FRMD6: variants seen among roughly 807,000 people sequenced by gnomAD.
The protein encoded by FRMD6 is FERM domain containing 6.
Under a neutral mutation model 73.2 loss-of-function variants are expected in FRMD6, and 37 were observed. The observed-to-expected ratio is 0.51, with a 90% CI of 0.39 to 0.66. FRMD6 has a LOEUF of 0.66. FRMD6 is among the 30% of genes least tolerant of loss of function. The probability of loss-of-function intolerance (pLI) is 0.00; values close to 1 mark genes in which losing one functional copy is unlikely to be tolerated. For synonymous variants in FRMD6, 273 were observed against 282.2 expected (o/e 0.97, Z 0.33); for missense variants, 714 against 780.5 (o/e 0.91, Z 1.02).
At chr14:51,593,905 C>T (rs1206985252) in intron 2 of FRMD6, among the ~76,000 whole-genome samples, 1 of 152,008 alleles carries the variant, frequency 6.6e-6, no homozygotes, top group Non-Finnish European at 1.5e-5. Context: ...CCCAACTCTA[C>T]AAAATTTTCA....
chr14:51,714,516 A>G (rs895582471), intron 9 of FRMD6: 1 of 152,204 alleles, frequency 6.6e-6, no homozygotes, highest in African/African-American at 2.4e-5. Context: ...AAAAGAGTTC[A>G]TAATATCCCA....
chr14:51,694,286 A>G (rs1895799475), intron 2 of FRMD6, among the ~76,000 whole-genome samples: 1 of 152,238 alleles, frequency 6.6e-6, no homozygotes, highest in Admixed American at 6.5e-5. Flanking sequence ...CCACGAGCTT[A>G]TATGTCTTCA....
At chr14:51,551,764 A>C (rs1290802456) in intron 1 of FRMD6, among the ~76,000 whole-genome samples, 3 of 151,912 alleles carry the variant, frequency 2.0e-5, no homozygotes, top group Non-Finnish European at 4.4e-5. Context: ...AAATGAATAT[A>C]TAATATATGT....
chr14:51,576,543 G>A (rs1888414385), intron 2 of FRMD6, among the ~76,000 whole-genome samples: 1 of 151,976 alleles, frequency 6.6e-6, no homozygotes, highest in Non-Finnish European at 1.5e-5. Flanking sequence ...TTCAATATGC[G>A]ACCTCCTTCT....
At chr14:51,412,863 T>A in the FRMD6 span, among the ~76,000 whole-genome samples, 1 of 151,022 alleles carries the variant, frequency 6.6e-6, no homozygotes, top group Admixed American at 6.6e-5. Context: ...AAAAATAAAA[T>A]AAAATAAAAT....
intron 1 of FRMD6, among the ~76,000 whole-genome samples, chr14:51,556,258 CTT>C (rs895534699): frequency 2.6e-5 from 4 of 152,204 alleles, no homozygotes; most frequent in Non-Finnish European, 5.9e-5. Flanking sequence ...AAATCAGACA[CTT>C]TTGTTCTCTC....
At chr14:51,542,595 G>A (rs907615332) in intron 1 of FRMD6, among the ~76,000 whole-genome samples, 6 of 151,946 alleles carry the variant, frequency 3.9e-5, no homozygotes, top group African/African-American at 9.7e-5. Context: ...GAACATTTGT[G>A]TACAAGTTTC....
At chr14:51,463,899 C>T in the FRMD6 span, among the ~76,000 whole-genome samples, 860 of 152,330 alleles carry the variant, frequency 5.6e-3, 7 homozygotes, top group African/African-American at 0.019. Flanking sequence ...CTCCCTGCAG[C>T]CTTAGCCTCC....
chr14:51,542,938 G>A (rs966680814), intron 1 of FRMD6, among the ~76,000 whole-genome samples: 6 of 151,822 alleles, frequency 4.0e-5, no homozygotes, highest in Admixed American at 2.0e-4. Context: ...TTCTATCCAG[G>A]CCCTGTGCAC....
chr14:51,423,657 C>T, the FRMD6 span, among the ~76,000 whole-genome samples: 38 of 152,282 alleles, frequency 2.5e-4, no homozygotes, highest in South Asian at 4.1e-4. Flanking sequence ...CAGGACTCTC[C>T]GGAAGGTTCT....
At chr14:51,683,263 A>G (rs1894927174) in intron 1 of FRMD6, among the ~76,000 whole-genome samples, 1 of 151,916 alleles carries the variant, frequency 6.6e-6, no homozygotes, top group Admixed American at 6.6e-5. Flanking sequence ...GCAACTCATG[A>G]CTAGTTTTTA....
At chr14:51,659,048 C>T (rs1267388921) in intron 1 of FRMD6, among the ~76,000 whole-genome samples, 2 of 152,080 alleles carry the variant, frequency 1.3e-5, no homozygotes, top group Non-Finnish European at 2.9e-5. Context: ...TACAGAATAG[C>T]GTAATCCGTA....
Position 51,666,272 on chromosome 14 carries a change from A to T in FRMD6, c.-147+14276A>T, listed in dbSNP as rs1042682099. Among the ~76,000 whole-genome samples the T allele has an allele frequency of 4.6e-5, 7 of 152,334 alleles. No homozygotes were observed. The East Asian group carries it at 1.2e-3, about 25-fold the overall frequency. ...TCACATAGATGGATGATGCTTCCAGATGAATGCGTCATTACTATGTGCCGT... is the reference window on the plus strand; with the variant it reads ...TCACATAGATGGATGATGCTTCCAGTTGAATGCGTCATTACTATGTGCCGT... On this transcript the variant is annotated intron_variant, in intron 1 of 13. Transcript: ENST00000344768.
chr14:51,529,891 T>G (rs1320765845), intron 1 of FRMD6, among the ~76,000 whole-genome samples: 2 of 152,216 alleles, frequency 1.3e-5, no homozygotes, highest in African/African-American at 4.8e-5. Context: ...TTAGTTTGTA[T>G]GGCTTGTGAC....
intron 2 of FRMD6, among the ~76,000 whole-genome samples, chr14:51,635,123 C>T (rs1891500948): frequency 6.6e-6 from 1 of 152,108 alleles, no homozygotes; most frequent in African/African-American, 2.4e-5. Flanking sequence ...TGGTTCACAC[C>T]TGTAATTCCA....
At chr14:51,637,582 G>A (rs143511101) in intron 2 of FRMD6, 1 of 151,952 alleles carries the variant, frequency 6.6e-6, no homozygotes, top group Non-Finnish European at 1.5e-5. Flanking sequence ...AGAGCAAATG[G>A]CATCTTATCA....
chr14:51,690,108 T>C (rs984123142), intron 2 of FRMD6, among the ~76,000 whole-genome samples, 173 bp downstream of exon 2: 1 of 152,196 alleles, frequency 6.6e-6, no homozygotes, highest in Non-Finnish European at 1.5e-5. Flanking sequence ...GTGGCTTGTG[T>C]GCAGCTGCCT....
chr14:51,654,693 A>T (rs573584333), intron 1 of FRMD6, among the ~76,000 whole-genome samples: 1 of 152,034 alleles, frequency 6.6e-6, no homozygotes, highest in Admixed American at 6.6e-5. Flanking sequence ...TGAATTTTAG[A>T]TTTGGATGAT....
chr14:51,719,983 C>T (rs919141616), intron 10 of FRMD6, 72 bp from the exon 11 acceptor site: 8 of 1,119,366 alleles, frequency 7.1e-6, no homozygotes, highest in Middle Eastern at 2.1e-4. Flanking sequence ...TTGTTCTTGG[C>T]CTGATGAGTC....
Sources: gnomAD v4.1 joint callset for allele counts (sites outside exome capture counted in the v4.1 genomes callset) on GRCh38, gnomAD v4.1.1 for gene constraint, MANE v1.5 for transcripts, NCBI Gene and HGNC (gene_info 2026-07-23, HGNC 2026-07-21) for gene names.